Variants in RNF126 observed in about 807,000 individuals in gnomAD.
RNF126 encodes E3 ubiquitin-protein ligase RNF126.
A neutral mutation model predicts 41.9 loss-of-function variants in RNF126; 20 were observed. That is an observed-to-expected ratio of 0.48 (90% CI 0.34 to 0.69). The LOEUF (loss-of-function observed/expected upper bound fraction) is 0.69. Ranked by LOEUF, RNF126 falls within the 30% of genes least tolerant of loss-of-function variation. The pLI, the probability that RNF126 is intolerant of heterozygous loss-of-function variation, is 0.01. For synonymous variants in RNF126, 239 were observed against 202.9 expected, an observed-to-expected ratio of 1.18 and a Z score of -1.51; for missense variants, 433 against 460.6, an observed-to-expected ratio of 0.94 and a Z score of 0.55.
chr19:655,608 T>C (rs6510868), intron 1 of RNF126, among the ~76,000 whole-genome samples: 73,551 of 151,688 alleles, frequency 0.48, 19,008 homozygotes, highest in Middle Eastern at 0.61. Context: ...CAGGACGAGA[T>C]GCAAGACCCC....
chr19:648,356 T>TGGG lies in RNF126; in HGVS notation c.786+13_786+15dup. On this transcript the variant is annotated intron_variant, in intron 8 of 8. Coordinates refer to ENST00000292363, the MANE Select transcript of RNF126 (RefSeq NM_194460.3). Reference sequence around the variant, plus strand: ...GCCGCGGTCGGGGTGGGGGGGCGGGTGGGCGGGGCACTCACCTGCTCCAGC... The same window carrying TGGG: ...GCCGCGGTCGGGGTGGGGGGGCGGGTGGGGGGCGGGGCACTCACCTGCTCCAGC... 2.9e-5 allele frequency: 5 copies of TGGG among 174,872 alleles called. No individual in the cohort carries two copies. The highest frequency in any genetic ancestry group is 5.5e-5 in the South Asian group (1 of 18,206). The allele number at this position is 174,872 out of a possible 1,614,324, so 10.8% of individuals were successfully genotyped here. A position where few individuals can be genotyped will look rare whatever the true frequency, so the allele number is the denominator to read the frequency against.
chr19:652,416 C>T, intron 2 of RNF126, 120 bp from the exon 3 acceptor site: 1 of 852,958 alleles, frequency 1.2e-6, no homozygotes. Context: ...TGCTTCCCAC[C>T]CGCCACCGCC....
chr19:652,461 C>T, intron 2 of RNF126, 165 bp from the exon 3 acceptor site: 1 of 654,798 alleles, frequency 1.5e-6, no homozygotes, highest in Non-Finnish European at 2.6e-6. Flanking sequence ...TGCTGCTTCC[C>T]TCGCCAGTAA....
Position 648,007 on chromosome 19 carries a change from G to T in RNF126, c.*121C>A. On this transcript the variant is annotated 3_prime_UTR_variant, in exon 9 of 9. Transcript: ENST00000292363. ...CCGGGTCCTGCCCTGGAACAGGCGG[G>T]ACCTGCAGCGCTGACCAGCCAAGCG... 1 of 1,215,118 alleles carries T rather than the reference G, an allele frequency of 8.2e-7. No homozygotes were observed. Among genetic ancestry groups the T allele is most frequent in the Non-Finnish European group, 1.1e-6 (1 of 896,914 alleles). The allele number at this position is 1,215,118 out of a possible 1,614,324, so 75.3% of individuals were successfully genotyped here. A position where few individuals can be genotyped will look rare whatever the true frequency, so the allele number is the denominator to read the frequency against.
At chr19:660,517 C>T (rs531561821) in intron 1 of RNF126, among the ~76,000 whole-genome samples, 3 of 152,230 alleles carry the variant, frequency 2.0e-5, no homozygotes, top group Non-Finnish European at 2.9e-5. Flanking sequence ...AGCTCCCCAG[C>T]GGCAGAGACG....
In RNF126 at chr19:648,082, G is replaced by A. The variant is rs530607552; in HGVS notation, c.*46C>T. The A allele has an allele frequency of 4.1e-5, 62 of 1,513,564 alleles. No individual in the cohort carries two copies. In the South Asian group the frequency reaches 7.7e-4, roughly 19 times the overall value. The allele number at this position is 1,513,564 out of a possible 1,614,324, so 93.8% of individuals were successfully genotyped here. A position where few individuals can be genotyped will look rare whatever the true frequency, so the allele number is the denominator to read the frequency against. ...GTGGGTGCCGTGTGGCGCTGGCTGA[G>A]GGTGGGTGGGAAAGGCCCCGTGCTT... On this transcript the variant is annotated 3_prime_UTR_variant, in exon 9 of 9. Coordinates refer to ENST00000292363, the MANE Select transcript of RNF126 (RefSeq NM_194460.3).
At position 648,234 on chromosome 19, in the gene RNF126, TTC is replaced by T; in HGVS notation, c.828_829del (p.Asn277HisfsTer113). The T allele has an allele frequency of 6.3e-7, 1 of 1,593,996 alleles. No homozygotes were observed. On this transcript the variant is annotated frameshift_variant, in exon 9 of 9. Coordinates refer to ENST00000292363, the MANE Select transcript of RNF126 (RefSeq NM_194460.3). LOFTEE classifies it high-confidence loss of function. ...GAGGCCAGGGGGGTTCGTGGCCGTG[TTC>T]TGTCCCGTGAGGCTTTTTCGGCAGA...
intron 1 of RNF126, among the ~76,000 whole-genome samples, chr19:655,204 G>T (rs965079909): frequency 1.3e-5 from 2 of 152,040 alleles, no homozygotes; most frequent in Non-Finnish European, 2.9e-5. Context: ...TACTAAGGAG[G>T]GGGAGGAGAC....
chr19:658,877 G>A (rs1042444107), intron 1 of RNF126, among the ~76,000 whole-genome samples: 1 of 152,194 alleles, frequency 6.6e-6, no homozygotes, highest in Non-Finnish European at 1.5e-5. Context: ...GCTACGGCTC[G>A]CCCGAGGCTC....
At chr19:660,234 C>T (rs991619888) in intron 1 of RNF126, among the ~76,000 whole-genome samples, 1 of 152,258 alleles carries the variant, frequency 6.6e-6, no homozygotes, top group Non-Finnish European at 1.5e-5. Flanking sequence ...GGGAGCGAAT[C>T]GCATCACTAA....
chr19:650,454 A>G, intron 4 of RNF126, 158 bp from the exon 5 acceptor site: 1 of 626,924 alleles, frequency 1.6e-6, no homozygotes. Context: ...GTCTCACTCT[A>G]ATGCCGAGGC....
chr19:648,516 CGGGCGTG>C lies in RNF126; in HGVS notation c.671-36_671-30del, dbSNP rs1568188191. On this transcript the variant is annotated intron_variant, in intron 7 of 8. Transcript: ENST00000292363. ...CGGGAGTGTGCAGCTGCGGTCACAG[CGGGCGTG>C]GGGGGCCTGCCGAGCCTTCAAGGGC... 5 of 1,520,186 alleles carry C rather than the reference CGGGCGTG, an allele frequency of 3.3e-6. No individual in the cohort carries two copies. In the South Asian group the frequency reaches 3.6e-5, roughly 11 times the overall value. 94.2% of individuals were successfully genotyped at this position (1,520,186 alleles called of 1,614,324 possible). A position where few individuals can be genotyped will look rare whatever the true frequency, so the allele number is the denominator to read the frequency against.
chr19:661,987 T>C (rs545891170), intron 1 of RNF126, among the ~76,000 whole-genome samples: 1 of 151,900 alleles, frequency 6.6e-6, no homozygotes, highest in Non-Finnish European at 1.5e-5. Flanking sequence ...AAATCACCAC[T>C]TTGCACGTCA....
chr19:658,474 C>T (rs1158899920), intron 1 of RNF126, among the ~76,000 whole-genome samples: 2 of 152,066 alleles, frequency 1.3e-5, no homozygotes, highest in African/African-American at 2.4e-5. Flanking sequence ...GTGCAGTGCT[C>T]GGCCTCGGTA....
In RNF126 at chr19:648,185, C is replaced by T. The variant is rs143060769; in HGVS notation, c.879G>A (p.Ser293=). 1.5e-5 allele frequency: 24 copies of T among 1,607,200 alleles called. No individual in the cohort carries two copies. Among genetic ancestry groups the T allele is most frequent in the East Asian group, 2.2e-5 (1 of 44,684 alleles). The change falls in exon 9 of 9, where the codon TCG becomes TCA. Residue 293 remains serine, a synonymous_variant. Transcript: ENST00000292363. ...GCGAGCTGGAGGAGGACGATGACGA[C>T]GAGGAGGAGAAGCTCACCCCAGTGA... ...PGLTGVSFSS[S]SSSSSSSSPS...
At chr19:652,777 C>G (rs758210377) in intron 2 of RNF126, 49 bp downstream of exon 2, 2 of 1,571,378 alleles carry the variant, frequency 1.3e-6, no homozygotes, top group Non-Finnish European at 1.7e-6. Flanking sequence ...CCTACAACAG[C>G]TGAGGCCCGG....
intron 1 of RNF126, among the ~76,000 whole-genome samples, chr19:658,259 C>T (rs543353686): frequency 6.6e-5 from 10 of 152,244 alleles, no homozygotes; most frequent in African/African-American, 2.4e-4. Flanking sequence ...CAGCAGAGGC[C>T]CCTTCATCCA....
At chr19:649,018 C>T in intron 6 of RNF126, 43 bp from the exon 7 acceptor site, 1 of 1,041,298 alleles carries the variant, frequency 9.6e-7, no homozygotes, top group Non-Finnish European at 1.3e-6. Flanking sequence ...CCTCGGGGGC[C>T]CGGCCCGGGG....
At chr19:652,190 C>T in intron 3 of RNF126, 43 bp downstream of exon 3, 6 of 1,468,822 alleles carry the variant, frequency 4.1e-6, no homozygotes, top group Non-Finnish European at 5.4e-6. Context: ...GGGCCCCGAG[C>T]AAGGCTGACA....
Sources: gnomAD v4.1 joint callset for allele counts (sites outside exome capture counted in the v4.1 genomes callset) on GRCh38, gnomAD v4.1.1 for gene constraint, MANE v1.5 for transcripts, NCBI Gene and HGNC (gene_info 2026-07-23, HGNC 2026-07-21) for gene names.